MYO5B: variants seen among roughly 807,000 people sequenced by gnomAD.
MYO5B encodes the protein unconventional myosin-Vb.
Under a neutral mutation model 229.3 loss-of-function variants are expected in MYO5B, and 143 were observed. That is an observed-to-expected ratio of 0.62 (90% CI 0.54 to 0.72). The LOEUF is 0.72. Among genes scored for constraint, MYO5B ranks in the 30% least tolerant of loss-of-function variants. MYO5B has a pLI of 0.00. For synonymous variants in MYO5B, 918 were observed against 885.2 expected (o/e 1.04, Z -0.66); for missense variants, 2,321 against 2,331.0 (o/e 1.00, Z 0.09).
intron 29 of MYO5B, among the ~76,000 whole-genome samples, chr18:49,860,612 T>C (rs1029752598): frequency 6.6e-6 from 1 of 152,090 alleles, no homozygotes. Flanking sequence ...TACAAACTTA[T>C]GAAGGTTAGC....
intron 1 of MYO5B, among the ~76,000 whole-genome samples, chr18:50,081,719 C>T (rs1442089888): frequency 7.9e-6 from 1 of 126,154 alleles, no homozygotes; most frequent in African/African-American, 4.1e-5. Flanking sequence ...TAACATTTAA[C>T]ATTCAACATT....
chr18:49,835,228 C>T lies in MYO5B; in HGVS notation c.5394+116G>A, dbSNP rs535045. The T allele has an allele frequency of 0.69, 523,606 of 757,452 alleles. 182,176 individuals are homozygous for T. Among genetic ancestry groups the T allele is most frequent in the Admixed American group, 0.81 (40,316 of 49,678 alleles). 46.9% of individuals were successfully genotyped at this position (757,452 alleles called of 1,614,324 possible). A position where few individuals can be genotyped will look rare whatever the true frequency, so the allele number is the denominator to read the frequency against. On this transcript the variant is annotated intron_variant, in intron 39 of 39. Transcript: ENST00000285039. The stretch of plus-strand genomic sequence containing the variant: ...GAAAGTCTAGGAATGTAAGGTCTCC[C>T]AGCATATATGTAACCAGTATTTTAG...
At chr18:50,183,306 C>CATATATATAT (rs71169486) in intron 1 of MYO5B, among the ~76,000 whole-genome samples, 5,619 of 108,574 alleles carry the variant, frequency 0.052, 182 homozygotes, top group Non-Finnish European at 0.069. Context: ...TCAATTTTAT[C>CATATATATAT]ATATATATAT....
intron 2 of MYO5B, among the ~76,000 whole-genome samples, chr18:50,051,846 AAGG>A (rs1396560462): frequency 5.9e-5 from 9 of 152,208 alleles, no homozygotes; most frequent in African/African-American, 2.2e-4. Context: ...ACAGAGTAGA[AAGG>A]AGGTTTCCAG....
chr18:49,977,119 G>A (rs765820198), intron 9 of MYO5B, among the ~76,000 whole-genome samples: 3 of 152,050 alleles, frequency 2.0e-5, no homozygotes, highest in African/African-American at 4.8e-5. Context: ...CCTGGGGACC[G>A]GCTTTTAACC....
chr18:50,073,778 G>A (rs2031014589), intron 1 of MYO5B, among the ~76,000 whole-genome samples: 1 of 152,070 alleles, frequency 6.6e-6, no homozygotes, highest in Non-Finnish European at 1.5e-5. Context: ...TCCCACCTCA[G>A]AAAATGATAC....
chr18:50,146,729 G>A (rs1273805203), intron 1 of MYO5B, among the ~76,000 whole-genome samples: 1 of 152,200 alleles, frequency 6.6e-6, no homozygotes, highest in East Asian at 1.9e-4. Flanking sequence ...GATCTCTTTA[G>A]ATGTTCTTCT....
At chr18:50,044,117 G>C (rs2030152303) in intron 2 of MYO5B, among the ~76,000 whole-genome samples, 1 of 152,162 alleles carries the variant, frequency 6.6e-6, no homozygotes, top group East Asian at 1.9e-4. Flanking sequence ...TAAACAAGTG[G>C]TATTGGTTTC....
chr18:50,026,383 A>T lies in MYO5B; in HGVS notation c.455+10467T>A, dbSNP rs369917651. On this transcript the variant is annotated intron_variant, in intron 4 of 39. Transcript: ENST00000285039. Reference sequence around the variant, plus strand: ...GCTCAGCCACTAACAGTGCAATTTCACTCTAACTGTAGAACTGAAAGTGGC... The same window carrying T: ...GCTCAGCCACTAACAGTGCAATTTCTCTCTAACTGTAGAACTGAAAGTGGC... Among the ~76,000 whole-genome samples the T allele has an allele frequency of 8.5e-5, 13 of 152,324 alleles. No individual in the cohort carries two copies. In the South Asian group the frequency reaches 1.9e-3, roughly 22 times the overall value.
chr18:49,891,963 TG>T (rs1175484426), intron 22 of MYO5B, among the ~76,000 whole-genome samples: 1 of 148,052 alleles, frequency 6.8e-6, no homozygotes, highest in African/African-American at 2.5e-5. Context: ...CACCTGGCTG[TG>T]GGTGGTTCCT....
chr18:49,941,874 A>G (rs1398679483), intron 14 of MYO5B, among the ~76,000 whole-genome samples: 1 of 142,528 alleles, frequency 7.0e-6, no homozygotes, highest in African/African-American at 2.7e-5. Context: ...TGCCAAGTCA[A>G]TCCTAAGCCA....
intron 1 of MYO5B, among the ~76,000 whole-genome samples, chr18:50,139,132 G>A (rs996553458): frequency 1.3e-5 from 2 of 152,194 alleles, no homozygotes; most frequent in Non-Finnish European, 2.9e-5. Context: ...TAGGTCCACA[G>A]GCCTTCGAAA....
At chr18:50,113,670 C>A (rs2031908411) in intron 1 of MYO5B, among the ~76,000 whole-genome samples, 1 of 152,200 alleles carries the variant, frequency 6.6e-6, no homozygotes, top group South Asian at 2.1e-4. Context: ...CTGTGGGGCC[C>A]TGAAGGGTTG....
intron 1 of MYO5B, among the ~76,000 whole-genome samples, chr18:50,104,939 T>C (rs561431906): frequency 4.7e-4 from 72 of 151,986 alleles, no homozygotes; most frequent in African/African-American, 1.7e-3. Flanking sequence ...TGGCTGGTGC[T>C]CAGATGGAAA....
intron 17 of MYO5B, among the ~76,000 whole-genome samples, chr18:49,913,880 C>T (rs760640126): frequency 6.6e-6 from 1 of 152,034 alleles, no homozygotes; most frequent in African/African-American, 2.4e-5. Context: ...AGCATCTGAA[C>T]ACTGAGAGGA....
chr18:50,028,521 G>A (rs955489944), intron 4 of MYO5B, among the ~76,000 whole-genome samples: 4 of 151,998 alleles, frequency 2.6e-5, no homozygotes, highest in Non-Finnish European at 4.4e-5. Flanking sequence ...AGAGTGGGGG[G>A]CAAGGACAGA....
At chr18:49,840,589 AGGAAGG>A (rs2024044246) in intron 35 of MYO5B, 1 of 152,314 alleles carries the variant, frequency 6.6e-6, no homozygotes, top group Non-Finnish European at 1.5e-5. Context: ...GATATGTGAA[AGGAAGG>A]GGAAGAAAAG....
At chr18:50,073,407 T>C (rs1043022645) in intron 1 of MYO5B, among the ~76,000 whole-genome samples, 1 of 152,146 alleles carries the variant, frequency 6.6e-6, no homozygotes, top group Non-Finnish European at 1.5e-5. Flanking sequence ...CATGCAAGCA[T>C]CGTGAGAAGC....
chr18:49,996,123 T>C (rs2025984619), intron 5 of MYO5B, among the ~76,000 whole-genome samples: 1 of 152,262 alleles, frequency 6.6e-6, no homozygotes, highest in South Asian at 2.1e-4. Context: ...CTGAGATCAT[T>C]CCTTGTGATA....
Sources: gnomAD v4.1 joint callset for allele counts (sites outside exome capture counted in the v4.1 genomes callset) on GRCh38, gnomAD v4.1.1 for gene constraint, MANE v1.5 for transcripts, NCBI Gene and HGNC (gene_info 2026-07-23, HGNC 2026-07-21) for gene names.